The following MUL1 variants were observed in gnomAD, a reference collection of about 807,000 sequenced individuals.
The protein encoded by MUL1 is mitochondrial ubiquitin ligase activator of NFKB 1.
Under a neutral mutation model 34.1 loss-of-function variants are expected in MUL1, and 30 were observed. That is an observed-to-expected ratio of 0.88 (90% CI 0.66 to 1.19). The LOEUF (loss-of-function observed/expected upper bound fraction) is 1.19, where lower values mean the gene tolerates loss of function less well. MUL1 is among the 50% of genes most tolerant of loss of function. The pLI is 0.00. For missense variants in MUL1, 419 were observed against 450.5 expected (o/e 0.93, Z 0.63); for synonymous variants, 191 against 187.8 (o/e 1.02, Z -0.14).
chr1:20,507,994 G>C lies in MUL1; in HGVS notation c.31C>G (p.Gln11Glu), dbSNP rs749747654. 6.3e-7 allele frequency: 1 copy of C among 1,588,720 alleles called. No homozygotes were observed. The highest frequency in any genetic ancestry group is 8.6e-7 in the Non-Finnish European group (1 of 1,168,964). The stretch of plus-strand genomic sequence containing the variant: ...GAGGTGGTGCCCAGGAGGATGAACT[G>C]GCACAGCGAGGGCCGCCCTCCGCTC... MESGGRPSLC[Q>E]FILLGTTSVV... Residue 11 changes from glutamine to glutamate, a missense_variant, in exon 1 of 4, where the codon CAG becomes GAG. Gln to Glu is a conservative substitution (Grantham distance 29). Coordinates refer to ENST00000264198, the MANE Select transcript of MUL1 (RefSeq NM_024544.3).
At chr1:20,507,704 G>C (rs1327758411) in intron 1 of MUL1, among the ~76,000 whole-genome samples, 35 of 152,364 alleles carry the variant, frequency 2.3e-4, no homozygotes, top group Non-Finnish European at 2.8e-4. Context: ...AGGGACTTGG[G>C]AGAAAAGGAG....
At chr1:20,507,414 C>G (rs978910415) in intron 1 of MUL1, among the ~76,000 whole-genome samples, 4 of 152,176 alleles carry the variant, frequency 2.6e-5, no homozygotes, top group African/African-American at 9.7e-5. Flanking sequence ...TGACTCCCCT[C>G]ATCTCCTCCT....
chr1:20,503,479 C>T (rs2051684748), intron 1 of MUL1, among the ~76,000 whole-genome samples, 170 bp from the exon 2 acceptor site: 1 of 152,186 alleles, frequency 6.6e-6, no homozygotes, highest in African/African-American at 2.4e-5. Context: ...TGTACATCAA[C>T]AGGAATGGAG....
intron 1 of MUL1, among the ~76,000 whole-genome samples, chr1:20,505,582 C>CAAAAAAAAAAAAAAAAAA (rs11338654): frequency 3.5e-5 from 2 of 57,158 alleles, no homozygotes; most frequent in Non-Finnish European, 6.1e-5. Flanking sequence ...GACCATGTCT[C>CAAAAAAAAAAAAAAAAAA]AAAAAAAAAA....
intron 2 of MUL1, 53 bp downstream of exon 2, chr1:20,503,169 T>A: frequency 7.8e-7 from 1 of 1,284,646 alleles, no homozygotes; most frequent in Non-Finnish European, 1.1e-6. Context: ...ATGATCTTTA[T>A]CAATCTTTTG....
Position 20,500,589 on chromosome 1 carries a change from G to A in MUL1, c.*101C>T, listed in dbSNP as rs1042899512. The A allele has an allele frequency of 1.9e-5, 28 of 1,436,378 alleles. No homozygotes were observed. The highest frequency in any genetic ancestry group is 2.3e-5 in the Non-Finnish European group (25 of 1,072,802). The allele number at this position is 1,436,378 out of a possible 1,614,324, so 89.0% of individuals were successfully genotyped here. A position where few individuals can be genotyped will look rare whatever the true frequency, so the allele number is the denominator to read the frequency against. On this transcript the variant is annotated 3_prime_UTR_variant, in exon 4 of 4. Transcript: ENST00000264198. Reference sequence around the variant, plus strand: ...TCCTCCCTCAATCATACCTGGAGGTGACAGCTACCCCCACCACTGCTCCTC... The same window carrying A: ...TCCTCCCTCAATCATACCTGGAGGTAACAGCTACCCCCACCACTGCTCCTC...
In MUL1 at chr1:20,499,703, G is replaced by A. The variant is rs748381559; in HGVS notation, c.*987C>T. 1.3e-5 allele frequency: 2 copies of A among 151,940 alleles called. No individual in the cohort carries two copies. Among genetic ancestry groups the A allele is most frequent in the African/African-American group, 4.8e-5 (2 of 41,322 alleles). 9.4% of individuals were successfully genotyped at this position (151,940 alleles called of 1,614,324 possible). A position where few individuals can be genotyped will look rare whatever the true frequency, so the allele number is the denominator to read the frequency against. On this transcript the variant is annotated 3_prime_UTR_variant, in exon 4 of 4. Transcript: ENST00000264198. ...GGGGCAAATGGTAATACTGGGAGGG[G>A]GTAACACAAGGAGAAGCGACATGAG...
At chr1:20,503,623 T>A (rs2101117248) in intron 1 of MUL1, among the ~76,000 whole-genome samples, 1 of 152,326 alleles carries the variant, frequency 6.6e-6, no homozygotes, top group East Asian at 1.9e-4. Flanking sequence ...TCAATTTACA[T>A]ACCACAGACT....
In MUL1 at chr1:20,503,233, G is replaced by A. The variant is rs745646408; in HGVS notation, c.197C>T (p.Ala66Val). The A allele has an allele frequency of 6.2e-7, 1 of 1,604,968 alleles. No homozygotes were observed. The highest frequency in any genetic ancestry group is 8.5e-7 in the Non-Finnish European group (1 of 1,175,410). The change falls in exon 2 of 4, where the codon GCT becomes GTT. Residue 66 changes from alanine (A) to valine (V), a missense_variant. Transcript: ENST00000264198. Reference protein sequence around the residue: ...SEAPGKCVPYAVIEGAVRSVK... With the variant: ...SEAPGKCVPYVVIEGAVRSVK... The stretch of plus-strand genomic sequence containing the variant: ...ATAAGCAAACATACCTTCTATAACA[G>A]CATAAGGCACGCATTTTCCTGGAGC...
Position 20,507,776 on chromosome 1 carries a change from G to A in MUL1, c.120+129C>T, listed in dbSNP as rs576514321. The A allele has an allele frequency of 4.1e-4, 551 of 1,338,554 alleles. 1 individual carries two copies. The highest frequency in any genetic ancestry group is 5.3e-4 in the Non-Finnish European group (530 of 996,082). The allele number at this position is 1,338,554 out of a possible 1,614,324, so 82.9% of individuals were successfully genotyped here. On this transcript the variant is annotated intron_variant, in intron 1 of 3. Coordinates refer to ENST00000264198, the MANE Select transcript of MUL1 (RefSeq NM_024544.3). ...TCGCTCCTCCATCTACTGGCTGGAT[G>A]ACACCCTTCAGAGGCTGTTTCCTTT...
chr1:20,504,122 G>A (rs554519387), intron 1 of MUL1, among the ~76,000 whole-genome samples: 10 of 152,102 alleles, frequency 6.6e-5, no homozygotes, highest in East Asian at 3.9e-4. Flanking sequence ...CTCCTGCCTC[G>A]GCCTCCCAAA....
At position 20,501,389 on chromosome 1, in the gene MUL1, C is replaced by T; in HGVS notation, c.360G>A (p.Arg120=). 1 of 1,613,706 alleles carries T rather than the reference C, an allele frequency of 6.2e-7. No individual in the cohort carries two copies. The highest frequency in any genetic ancestry group is 8.5e-7 in the Non-Finnish European group (1 of 1,179,752). The stretch of plus-strand genomic sequence containing the variant: ...CCAGGTCAAAGGGCACTGTGTTGGT[C>T]CTCTGATGAATGATCTTTGAGCAAT... ...WNDCSKIIHQ[R]TNTVPFDLVP... Residue 120 remains arginine (R), a synonymous_variant, in exon 4 of 4, where the codon AGG becomes AGA. Coordinates refer to ENST00000264198, the MANE Select transcript of MUL1 (RefSeq NM_024544.3). This position sits in a 1 kb window ranked among gnomAD's most constrained non-coding sequence, Gnocchi z 4.2.
intron 1 of MUL1, among the ~76,000 whole-genome samples, chr1:20,504,218 C>T (rs1490252715): frequency 1.3e-5 from 2 of 152,170 alleles, no homozygotes; most frequent in Admixed American, 6.5e-5. Flanking sequence ...GAGCACGGTT[C>T]TTTCTGCTGC....
intron 1 of MUL1, among the ~76,000 whole-genome samples, chr1:20,506,341 T>C (rs2051713759): frequency 6.6e-6 from 1 of 152,194 alleles, no homozygotes. Context: ...GGAAAGAGAA[T>C]GGATGAATAA....
In MUL1 at chr1:20,500,602, A is replaced by T. The variant is rs756650120; in HGVS notation, c.*88T>A. 1.3e-6 allele frequency: 2 copies of T among 1,482,840 alleles called. No individual in the cohort carries two copies. Among genetic ancestry groups the T allele is most frequent in the African/African-American group, 2.8e-5 (2 of 71,018 alleles). The allele number at this position is 1,482,840 out of a possible 1,614,324, so 91.9% of individuals were successfully genotyped here. On this transcript the variant is annotated 3_prime_UTR_variant, in exon 4 of 4. Transcript: ENST00000264198. ...ATACCTGGAGGTGACAGCTACCCCCACCACTGCTCCTCCAAAGGCCTCGAG... is the reference window on the plus strand; with the variant it reads ...ATACCTGGAGGTGACAGCTACCCCCTCCACTGCTCCTCCAAAGGCCTCGAG...
intron 1 of MUL1, among the ~76,000 whole-genome samples, chr1:20,506,107 C>T (rs2051711477): frequency 6.6e-6 from 1 of 152,108 alleles, no homozygotes; most frequent in Non-Finnish European, 1.5e-5. Flanking sequence ...TGGAGTCCTG[C>T]TCTTGTCACC....
rs1436558261 is a variant in MUL1 at position 20,508,002 on chromosome 1, G to T, written c.23C>A (p.Ser8Ter). The T allele has an allele frequency of 3.2e-6, 5 of 1,586,884 alleles. No individual in the cohort carries two copies. The African/African-American group carries it at 5.3e-5, about 17-fold the overall frequency. ...GCCCAGGAGGATGAACTGGCACAGC[G>T]AGGGCCGCCCTCCGCTCTCCATGAC... MESGGRP[S>*]LCQFILLGTT... is the part of the protein sequence containing the mutation. Residue 8 changes from serine to a stop codon, truncating the protein, a stop_gained, in exon 1 of 4, where the codon TCG becomes TAG. Transcript: ENST00000264198. LOFTEE classifies it high-confidence loss of function.
Position 20,500,122 on chromosome 1 carries a change from A to G in MUL1, c.*568T>C, listed in dbSNP as rs904709333. ...CTACACACACGTGCAGGCGTTAAGG[A>G]GGCAAGCAGGTGAGGGGAAAGGAAC... On this transcript the variant is annotated 3_prime_UTR_variant, in exon 4 of 4. Transcript: ENST00000264198. 4 of 152,394 alleles carry G rather than the reference A, an allele frequency of 2.6e-5. No individual in the cohort carries two copies. The highest frequency in any genetic ancestry group is 9.7e-5 in the African/African-American group (4 of 41,426). 9.4% of individuals were successfully genotyped at this position (152,394 alleles called of 1,614,324 possible). A position where few individuals can be genotyped will look rare whatever the true frequency, so the allele number is the denominator to read the frequency against.
intron 2 of MUL1, among the ~76,000 whole-genome samples, chr1:20,502,512 A>G (rs949192638): frequency 6.6e-6 from 1 of 152,146 alleles, no homozygotes; most frequent in Non-Finnish European, 1.5e-5. Flanking sequence ...TCACACCACC[A>G]TACTACAGCT....
Sources: allele counts gnomAD v4.1 joint callset (sites outside exome capture counted in the v4.1 genomes callset), GRCh38; gene constraint gnomAD v4.1.1; non-coding constraint Gnocchi (gnomAD v3.1); transcripts MANE v1.5; gene names NCBI Gene and HGNC (gene_info 2026-07-23, HGNC 2026-07-21).